The following CACNA1A variants were observed in gnomAD, a reference collection of about 807,000 sequenced individuals.
The protein encoded by CACNA1A is calcium voltage-gated channel subunit alpha1 A.
Under a neutral mutation model 262.4 loss-of-function variants are expected in CACNA1A, and 57 were observed. The ratio of observed to expected loss-of-function variants is 0.22; its 90% CI spans 0.18 to 0.27. The LOEUF (loss-of-function observed/expected upper bound fraction) is 0.27, where lower values mean the gene tolerates loss of function less well. CACNA1A is among the 10% of genes least tolerant of loss of function. The pLI is 1.00. For missense variants in CACNA1A, 2,526 were observed against 3,562.8 expected, an observed-to-expected ratio of 0.71 and a Z score of 7.41; for synonymous variants, 1,431 against 1,419.3, an observed-to-expected ratio of 1.01 and a Z score of -0.18.
chr19:13,299,553 C>T (rs776374876), intron 18 of CACNA1A, among the ~76,000 whole-genome samples, 200 bp from the exon 19 acceptor site: 7 of 152,188 alleles, frequency 4.6e-5, no homozygotes, highest in Non-Finnish European at 8.8e-5. Flanking sequence ...TCCCACCTGG[C>T]TAGGGGCAAA....
chr19:13,264,875 AT>A (rs2056825707), intron 24 of CACNA1A, among the ~76,000 whole-genome samples: 1 of 109,306 alleles, frequency 9.1e-6, no homozygotes, highest in Non-Finnish European at 1.9e-5. Context: ...TTTCCCTTTA[AT>A]CTTTTTTTTT....
chr19:13,429,437 T>C (rs2060465384), intron 3 of CACNA1A, among the ~76,000 whole-genome samples: 2 of 149,014 alleles, frequency 1.3e-5, no homozygotes, highest in African/African-American at 2.5e-5. Context: ...ATTTCACACA[T>C]CTTCCTCCCG....
At chr19:13,283,547 G>T in intron 21 of CACNA1A, 151 bp from the exon 22 acceptor site, 1 of 976,422 alleles carries the variant, frequency 1.0e-6, no homozygotes, top group Non-Finnish European at 1.5e-6. Flanking sequence ...CCAGGTGGGG[G>T]CCCTCTCTGG....
At chr19:13,412,283 C>T (rs1382452372) in intron 3 of CACNA1A, among the ~76,000 whole-genome samples, 1 of 151,902 alleles carries the variant, frequency 6.6e-6, no homozygotes, top group African/African-American at 2.4e-5. Context: ...TAGACTTGAA[C>T]TCCTGGGCTC....
intron 6 of CACNA1A, among the ~76,000 whole-genome samples, chr19:13,345,168 A>T (rs10412878): frequency 0.19 from 28,737 of 152,082 alleles, 3,767 homozygotes; most frequent in East Asian, 0.52. Context: ...TGGTCGCATT[A>T]GCCAAGTCTT....
chr19:13,390,588 A>C (rs1349077684), intron 3 of CACNA1A, among the ~76,000 whole-genome samples: 2 of 152,202 alleles, frequency 1.3e-5, no homozygotes, highest in African/African-American at 4.8e-5. Flanking sequence ...AAATCATCTA[A>C]ATTTAAAATG....
At chr19:13,235,924 A>G (rs1269826021) in intron 31 of CACNA1A, 194 bp from the exon 32 acceptor site, 4 of 540,614 alleles carry the variant, frequency 7.4e-6, no homozygotes, top group Non-Finnish European at 9.9e-6. Flanking sequence ...TAATGTTGGG[A>G]GAGAGAGGGT....
At chr19:13,279,446 T>C (rs2057231262) in intron 22 of CACNA1A, among the ~76,000 whole-genome samples, 1 of 151,664 alleles carries the variant, frequency 6.6e-6, no homozygotes, top group Non-Finnish European at 1.5e-5. Flanking sequence ...AGAACAGGAG[T>C]TCCCATGAGC....
intron 38 of CACNA1A, among the ~76,000 whole-genome samples, chr19:13,223,254 C>T (rs576740760): frequency 5.3e-5 from 8 of 152,072 alleles, no homozygotes; most frequent in South Asian, 2.1e-4. Flanking sequence ...AGTGCAGTGG[C>T]GTGATCTCGG....
At chr19:13,375,344 C>T (rs1176369993) in intron 3 of CACNA1A, among the ~76,000 whole-genome samples, 1 of 152,156 alleles carries the variant, frequency 6.6e-6, no homozygotes, top group South Asian at 2.1e-4. Flanking sequence ...CTTGGGCCTT[C>T]CTATTCCCCG....
chr19:13,479,878 G>GT (rs1253413809), intron 1 of CACNA1A, among the ~76,000 whole-genome samples: 1 of 152,194 alleles, frequency 6.6e-6, no homozygotes, highest in African/African-American at 2.4e-5. Flanking sequence ...TATACCAGCC[G>GT]TTGACAAACT....
intron 1 of CACNA1A, among the ~76,000 whole-genome samples, chr19:13,464,961 C>T (rs1191792564): frequency 6.6e-6 from 1 of 152,042 alleles, no homozygotes; most frequent in Non-Finnish European, 1.5e-5. Flanking sequence ...CAGAGTCTTG[C>T]TCTGCCACCC....
chr19:13,356,799 G>A (rs2145233084), intron 6 of CACNA1A, among the ~76,000 whole-genome samples: 1 of 152,240 alleles, frequency 6.6e-6, no homozygotes, highest in South Asian at 2.1e-4. Context: ...GCCTTGCAAA[G>A]TAAAAACCTA....
chr19:13,226,549 ACTT>A (rs555855785), intron 37 of CACNA1A: 2 of 152,230 alleles, frequency 1.3e-5, no homozygotes, highest in African/African-American at 4.8e-5. Flanking sequence ...TCATCCCTGA[ACTT>A]CTTGTGGATG....
chr19:13,212,343 C>G lies in CACNA1A; in HGVS notation c.6189+41G>C. 8 of 1,611,508 alleles carry G rather than the reference C, an allele frequency of 5.0e-6. No individual in the cohort carries two copies. Among genetic ancestry groups the G allele is most frequent in the Non-Finnish European group, 5.9e-6 (7 of 1,178,776 alleles). On this transcript the variant is annotated intron_variant, in intron 42 of 46. Transcript: ENST00000360228. This position sits in a 1 kb window ranked among gnomAD's most constrained non-coding sequence, Gnocchi z 5.6. ...CCAGATCCCTTCCACCTGAACCACC[C>G]GGGCCCTGGGAGCCATTGGGGAGTT... is the stretch of plus-strand genomic sequence containing the variant.
At chr19:13,384,106 A>C (rs1261964673) in intron 3 of CACNA1A, among the ~76,000 whole-genome samples, 2 of 152,144 alleles carry the variant, frequency 1.3e-5, no homozygotes, top group African/African-American at 4.8e-5. Context: ...GTGAGCCACC[A>C]TGCCTGGCCG....
chr19:13,325,799 A>C (rs1005670214), intron 10 of CACNA1A, among the ~76,000 whole-genome samples: 1 of 152,204 alleles, frequency 6.6e-6, no homozygotes, highest in African/African-American at 2.4e-5. Flanking sequence ...GTATCTATTT[A>C]TAGTGCATAA....
chr19:13,472,926 C>T (rs997711336), intron 1 of CACNA1A, among the ~76,000 whole-genome samples: 4 of 151,992 alleles, frequency 2.6e-5, no homozygotes, highest in Admixed American at 6.6e-5. Context: ...GATTATCTGA[C>T]GGGCTCAAAA....
At chr19:13,389,953 C>A (rs2059683754) in intron 3 of CACNA1A, among the ~76,000 whole-genome samples, 2 of 152,104 alleles carry the variant, frequency 1.3e-5, no homozygotes, top group African/African-American at 4.8e-5. Context: ...GCTGGGACTA[C>A]AGGCATGCGC....
Sources: gnomAD v4.1 joint callset for allele counts (sites outside exome capture counted in the v4.1 genomes callset) on GRCh38, gnomAD v4.1.1 for gene constraint, Gnocchi (gnomAD v3.1) non-coding constraint, MANE v1.5 for transcripts, NCBI Gene and HGNC (gene_info 2026-07-23, HGNC 2026-07-21) for gene names.